The following LRRC7 variants were observed in gnomAD, a reference collection of about 807,000 sequenced individuals.
The protein encoded by LRRC7 is leucine rich repeat containing 7, also known as leucine-rich repeat-containing protein 7.
Under a neutral mutation model 175.7 loss-of-function variants are expected in LRRC7, and 23 were observed. The observed-to-expected ratio is 0.13, with a 90% CI of 0.09 to 0.19. The LOEUF (loss-of-function observed/expected upper bound fraction) is 0.19. Ranked by LOEUF, LRRC7 falls within the 10% of genes least tolerant of loss-of-function variation. The pLI, the probability that LRRC7 is intolerant of heterozygous loss-of-function variation, is 1.00. For missense variants in LRRC7, 1,354 were observed against 1,904.7 expected, an observed-to-expected ratio of 0.71 and a Z score of 5.38; for synonymous variants, 685 against 680.9, an observed-to-expected ratio of 1.01 and a Z score of -0.09.
At chr1:69,593,491 C>T (rs1252293974) in intron 1 of LRRC7, among the ~76,000 whole-genome samples, 7 of 151,986 alleles carry the variant, frequency 4.6e-5, no homozygotes, top group Non-Finnish European at 7.4e-5. Flanking sequence ...TTTAAGGTGT[C>T]AGCAAAAGAT....
At chr1:70,061,172 G>A (rs1384901739) in intron 23 of LRRC7, among the ~76,000 whole-genome samples, 3 of 151,882 alleles carry the variant, frequency 2.0e-5, no homozygotes, top group South Asian at 2.1e-4. Context: ...TTTCTCCTCC[G>A]AGAGTAGCAA....
chr1:69,935,575 T>C (rs1360676208), intron 8 of LRRC7, among the ~76,000 whole-genome samples: 1 of 152,184 alleles, frequency 6.6e-6, no homozygotes, highest in Non-Finnish European at 1.5e-5. Flanking sequence ...TGATTTCTAA[T>C]GAGATTGATG....
chr1:69,778,707 T>C (rs971861427), intron 3 of LRRC7, among the ~76,000 whole-genome samples: 2 of 152,018 alleles, frequency 1.3e-5, no homozygotes, highest in African/African-American at 4.8e-5. Context: ...TCTATCTGAT[T>C]CCAAAGTTTA....
intron 17 of LRRC7, among the ~76,000 whole-genome samples, chr1:70,027,646 CACTA>C (rs550715504): frequency 1.7e-3 from 265 of 152,222 alleles, no homozygotes; most frequent in African/African-American, 5.7e-3. Flanking sequence ...TGATATAACA[CACTA>C]ACTAACAGAA....
chr1:69,903,395 G>C (rs549722542), intron 7 of LRRC7, among the ~76,000 whole-genome samples: 3 of 152,270 alleles, frequency 2.0e-5, no homozygotes, highest in Admixed American at 6.5e-5. Context: ...CCCTCCCCTA[G>C]CCAAGGGAAG....
At position 69,916,555 on chromosome 1, in the gene LRRC7, G is replaced by A. The variant is rs1017103677; in HGVS notation, c.648-14952G>A. Among the ~76,000 whole-genome samples the A allele has an allele frequency of 2.0e-5, 3 of 151,756 alleles. No homozygotes were observed. In the Admixed American group the frequency reaches 2.0e-4, roughly 10 times the overall value. On this transcript the variant is annotated intron_variant, in intron 7 of 26. Coordinates refer to ENST00000651989, the MANE Select transcript of LRRC7 (RefSeq NM_001370785.2). ...TTATAGTATTCATTAAAATAGGCCT[G>A]TCAGGATTTTTCATTGACCATTGTT...
At position 69,906,577 on chromosome 1, in the gene LRRC7, T is replaced by C. The variant is rs533657236; in HGVS notation, c.648-24930T>C. ...CAAAGATCAGATGGTTGTAGATATG[T>C]GGCATGATTTCTGAGGGCTCTGTTC... On this transcript the variant is annotated intron_variant, in intron 7 of 26. Transcript: ENST00000651989. Among the ~76,000 whole-genome samples, 14 of 152,306 alleles carry C rather than the reference T, an allele frequency of 9.2e-5. No homozygotes were observed. The East Asian group carries it at 2.5e-3, about 27-fold the overall frequency.
intron 3 of LRRC7, among the ~76,000 whole-genome samples, chr1:69,785,462 A>G (rs1452638990): frequency 1.3e-5 from 2 of 152,078 alleles, no homozygotes; most frequent in Non-Finnish European, 2.9e-5. Context: ...CTGTTTCTTA[A>G]TTGGAGAAAT....
chr1:69,914,475 T>C (rs1371448964), intron 7 of LRRC7, among the ~76,000 whole-genome samples: 1 of 152,146 alleles, frequency 6.6e-6, no homozygotes, highest in South Asian at 2.1e-4. Flanking sequence ...TTAATTTTAA[T>C]AAATGCAACC....
At position 69,744,772 on chromosome 1, in the gene LRRC7, A is replaced by T. The variant is rs536281283; in HGVS notation, c.101-15419A>T. 3.3e-5 allele frequency among the ~76,000 whole-genome samples: 5 copies of T among 151,870 alleles called. No individual in the cohort carries two copies. In the South Asian group the frequency reaches 6.2e-4, roughly 19 times the overall value. The stretch of plus-strand genomic sequence containing the variant: ...CCAAGAGACATTTCCATTTGAAAAG[A>T]TTTTGTTTTCCACTGTCACTAATGG... On this transcript the variant is annotated intron_variant, in intron 2 of 26. Coordinates refer to ENST00000651989, the MANE Select transcript of LRRC7 (RefSeq NM_001370785.2).
At chr1:69,741,258 G>A (rs1025979618) in intron 2 of LRRC7, among the ~76,000 whole-genome samples, 2 of 151,910 alleles carry the variant, frequency 1.3e-5, no homozygotes, top group African/African-American at 4.8e-5. Flanking sequence ...ATATAGATAT[G>A]TTCAAAATAT....
At chr1:69,729,123 T>A (rs893687086) in intron 2 of LRRC7, among the ~76,000 whole-genome samples, 4 of 152,136 alleles carry the variant, frequency 2.6e-5, no homozygotes, top group African/African-American at 4.8e-5. Context: ...GCCCTCATGA[T>A]TCCATTACCT....
At chr1:69,759,360 AAAATACATG>A (rs1206829690) in intron 2 of LRRC7, among the ~76,000 whole-genome samples, 1 of 152,056 alleles carries the variant, frequency 6.6e-6, no homozygotes, top group Non-Finnish European at 1.5e-5. Context: ...TTAGGAGGAA[AAAATACATG>A]AAAAACAGTA....
intron 25 of LRRC7, among the ~76,000 whole-genome samples, chr1:70,104,261 G>A (rs148321721): frequency 3.3e-5 from 5 of 152,278 alleles, no homozygotes; most frequent in African/African-American, 1.2e-4. Flanking sequence ...TTGTTACAAT[G>A]AGCTTTTTCA....
chr1:69,856,224 C>G (rs1683601010), intron 7 of LRRC7, among the ~76,000 whole-genome samples: 1 of 151,912 alleles, frequency 6.6e-6, no homozygotes, highest in Non-Finnish European at 1.5e-5. Context: ...AGAGCAAACA[C>G]ATTCAAAAGC....
chr1:70,078,223 AG>A (rs1662928481), intron 24 of LRRC7, among the ~76,000 whole-genome samples: 1 of 152,200 alleles, frequency 6.6e-6, no homozygotes, highest in South Asian at 2.1e-4. Flanking sequence ...TCAATAAAAA[AG>A]ACTTTTGAGT....
rs148708356 is a variant in LRRC7 at position 69,948,066 on chromosome 1, T to C, written c.711+16496T>C. Reference sequence around the variant, plus strand: ...AGCATGAATACGTTGGACGAAGGGGTGACTCACATCCCAGGAGAGACAGAG... The same window carrying C: ...AGCATGAATACGTTGGACGAAGGGGCGACTCACATCCCAGGAGAGACAGAG... On this transcript the variant is annotated intron_variant, in intron 8 of 26. Transcript: ENST00000651989. Among the ~76,000 whole-genome samples, 595 of 152,148 alleles carry C rather than the reference T, an allele frequency of 3.9e-3. 3 individuals carry two copies. Among genetic ancestry groups the C allele is most frequent in the African/African-American group, 0.013 (549 of 41,540 alleles).
At chr1:69,815,622 A>G (rs1345924926) in intron 4 of LRRC7, among the ~76,000 whole-genome samples, 2 of 152,204 alleles carry the variant, frequency 1.3e-5, no homozygotes, top group African/African-American at 4.8e-5. Context: ...TCACTTATCA[A>G]AATTATTCTG....
intron 7 of LRRC7, among the ~76,000 whole-genome samples, chr1:69,883,193 A>ACTT (rs1162252942): frequency 6.6e-6 from 1 of 151,548 alleles, no homozygotes. Flanking sequence ...CACCACACTG[A>ACTT]CTTCCACAAT....
Sources: allele counts gnomAD v4.1 joint callset (sites outside exome capture counted in the v4.1 genomes callset), GRCh38; gene constraint gnomAD v4.1.1; transcripts MANE v1.5; gene names NCBI Gene and HGNC (gene_info 2026-07-23, HGNC 2026-07-21).